Variants in TSPEAR observed in about 807,000 individuals in gnomAD.
The protein encoded by TSPEAR is thrombospondin type laminin G domain and EAR repeats.
In TSPEAR, 69 loss-of-function variants were observed where a neutral mutation model predicts 71.6. The ratio of observed to expected loss-of-function variants is 0.96; its 90% CI spans 0.79 to 1.18. The LOEUF (loss-of-function observed/expected upper bound fraction) is 1.18. TSPEAR is among the 50% of genes most tolerant of loss of function. The probability of loss-of-function intolerance (pLI) is 0.00; values close to 1 mark genes in which losing one functional copy is unlikely to be tolerated. For synonymous variants in TSPEAR, 402 were observed against 387.2 expected (o/e 1.04, Z -0.45); for missense variants, 971 against 894.9 (o/e 1.09, Z -1.09).
At chr21:44,587,290 T>C (rs1979404403) in intron 1 of TSPEAR, among the ~76,000 whole-genome samples, 1 of 152,014 alleles carries the variant, frequency 6.6e-6, no homozygotes, top group Non-Finnish European at 1.5e-5. Flanking sequence ...CCTTTTACAA[T>C]AGCTGCAAAA....
chr21:44,689,712 AATATATATAT>A lies in TSPEAR; in HGVS notation c.82+21711_82+21720del, dbSNP rs71199618. ...TCCCTTAGAGGGACAGAATAGAATGAATATATATATATATATATATATATATATTTTGGGG... is the reference window on the plus strand; with the variant it reads ...TCCCTTAGAGGGACAGAATAGAATGAATATATATATATATATATTTTGGGG... On this transcript the variant is annotated intron_variant, in intron 1 of 11. Coordinates refer to ENST00000323084, the MANE Select transcript of TSPEAR (RefSeq NM_144991.3). Among the ~76,000 whole-genome samples the A allele has an allele frequency of 3.2e-5, 2 of 62,038 alleles. 1 individual carries two copies. Among genetic ancestry groups the A allele is most frequent in the African/African-American group, 1.6e-4 (2 of 12,420 alleles). 40.7% of individuals were successfully genotyped at this position (62,038 alleles called of 152,430 possible). A position where few individuals can be genotyped will look rare whatever the true frequency, so the allele number is the denominator to read the frequency against.
intron 1 of TSPEAR, among the ~76,000 whole-genome samples, chr21:44,704,391 CCTT>C (rs1987807843): frequency 6.6e-6 from 1 of 152,216 alleles, no homozygotes; most frequent in African/African-American, 2.4e-5. Flanking sequence ...TTATCAGCCT[CCTT>C]CTAGCCAAGT....
intron 1 of TSPEAR, among the ~76,000 whole-genome samples, chr21:44,608,530 T>C (rs947865073): frequency 1.3e-5 from 2 of 152,226 alleles, no homozygotes; most frequent in African/African-American, 2.4e-5. Flanking sequence ...ATATTCAGAA[T>C]ACATAATAAA....
chr21:44,670,519 G>A lies in TSPEAR; in HGVS notation c.82+40914C>T, dbSNP rs75785573. Among the ~76,000 whole-genome samples, 585 of 152,270 alleles carry A rather than the reference G, an allele frequency of 3.8e-3. 1 individual carries two copies. The highest frequency in any genetic ancestry group is 0.013 in the African/African-American group (557 of 41,544). On this transcript the variant is annotated intron_variant, in intron 1 of 11. Coordinates refer to ENST00000323084, the MANE Select transcript of TSPEAR (RefSeq NM_144991.3). ...GCAGCTGGCCCAGCTAGAATCAGTC[G>A]GGAGCCCACAGAGACTCCCCAGTCC...
Position 44,697,348 on chromosome 21 carries a change from C to A in TSPEAR, c.82+14085G>T, listed in dbSNP as rs1555950776. Reference sequence around the variant, plus strand: ...GCTGCGCCCCGGCCCCCTGCCTGAGCCTGGTCTGCACCCCAGTGAGCCGTG... The same window carrying A: ...GCTGCGCCCCGGCCCCCTGCCTGAGACTGGTCTGCACCCCAGTGAGCCGTG... On this transcript the variant is annotated intron_variant, in intron 1 of 11. Transcript: ENST00000323084. The A allele has an allele frequency of 5.0e-6, 8 of 1,612,928 alleles. No individual in the cohort carries two copies. In the East Asian group the frequency reaches 1.8e-4, roughly 36 times the overall value.
At chr21:44,591,965 G>C (rs782595081) in intron 1 of TSPEAR, 6 of 1,604,762 alleles carry the variant, frequency 3.7e-6, no homozygotes, top group Non-Finnish European at 8.5e-7. Context: ...CTAGACTGCT[G>C]GCAGCACGAA....
At chr21:44,576,745 C>T (rs1978483837) in intron 1 of TSPEAR, among the ~76,000 whole-genome samples, 1 of 152,110 alleles carries the variant, frequency 6.6e-6, no homozygotes, top group Admixed American at 6.5e-5. Context: ...AAGTCATTTT[C>T]CAGGAGGTGT....
chr21:44,618,277 A>G (rs894313548), intron 1 of TSPEAR, among the ~76,000 whole-genome samples: 2 of 152,210 alleles, frequency 1.3e-5, no homozygotes, highest in Non-Finnish European at 2.9e-5. Context: ...TCCTGCCACC[A>G]TGTGAAGAAG....
chr21:44,555,900 G>A (rs961963681), intron 2 of TSPEAR, among the ~76,000 whole-genome samples: 1 of 152,206 alleles, frequency 6.6e-6, no homozygotes, highest in African/African-American at 2.4e-5. Flanking sequence ...TGTGACACTC[G>A]GACAGGGACT....
chr21:44,575,132 G>C (rs2146089743), intron 1 of TSPEAR: 5 of 1,012,962 alleles, frequency 4.9e-6, no homozygotes, highest in South Asian at 3.3e-5. Context: ...GTCTGCTGTT[G>C]AGCTGGACAA....
At chr21:44,625,054 G>T (rs1229073798) in intron 1 of TSPEAR, among the ~76,000 whole-genome samples, 1 of 152,204 alleles carries the variant, frequency 6.6e-6, no homozygotes, top group Non-Finnish European at 1.5e-5. Context: ...TAAGAAAAAG[G>T]TAGCATAATG....
chr21:44,646,124 CAAAAAAAAAAAAAAAAAA>C (rs55672014), intron 1 of TSPEAR, among the ~76,000 whole-genome samples: 21 of 31,226 alleles, frequency 6.7e-4, no homozygotes, highest in African/African-American at 2.1e-3. Flanking sequence ...GACTCCCTCT[CAAAAAAAAAAAAAAAAAA>C]AAAAAAAAAA....
intron 7 of TSPEAR, 75 bp downstream of exon 7, chr21:44,527,217 G>A (rs1199566630): frequency 6.8e-7 from 1 of 1,464,994 alleles, no homozygotes; most frequent in African/African-American, 1.4e-5. Context: ...CAGAATCAGT[G>A]TAGGGGGCCC....
chr21:44,520,718 T>C lies in TSPEAR; in HGVS notation c.1566+1165A>G, dbSNP rs2052717760. Reference sequence around the variant, plus strand: ...TTCCTCCCTTCTGTTTTGAAGCTCATTCCCATGTGCTACCTGCAGGCTTGC... The same window carrying C: ...TTCCTCCCTTCTGTTTTGAAGCTCACTCCCATGTGCTACCTGCAGGCTTGC... On this transcript the variant is annotated intron_variant, in intron 9 of 11. Coordinates refer to ENST00000323084, the MANE Select transcript of TSPEAR (RefSeq NM_144991.3). This position sits in a 1 kb window ranked among gnomAD's most constrained non-coding sequence, Gnocchi z 4.2. 1 of 152,320 alleles carries C rather than the reference T, an allele frequency of 6.6e-6. No individual in the cohort carries two copies. Among genetic ancestry groups the C allele is most frequent in the African/African-American group, 2.4e-5 (1 of 41,462 alleles). 9.4% of individuals were successfully genotyped at this position (152,320 alleles called of 1,614,324 possible).
chr21:44,538,434 C>G (rs782382453), intron 2 of TSPEAR, among the ~76,000 whole-genome samples: 1,062 of 86,622 alleles, frequency 0.012, 6 homozygotes, highest in Middle Eastern at 0.061. Context: ...CCCCCCCCCC[C>G]CCAAGAGGAG....
At chr21:44,699,219 A>T (rs1987533599) in intron 1 of TSPEAR, among the ~76,000 whole-genome samples, 1 of 151,860 alleles carries the variant, frequency 6.6e-6, no homozygotes, top group African/African-American at 2.4e-5. Context: ...AATTAATTAA[A>T]GTAAAAAATA....
At chr21:44,575,119 G>A in intron 1 of TSPEAR, 1 of 1,098,724 alleles carries the variant, frequency 9.1e-7, no homozygotes, top group Non-Finnish European at 1.3e-6. Flanking sequence ...ACCATTTCCT[G>A]GTGTCTGCTG....
In TSPEAR at chr21:44,672,748, G is replaced by C. The variant is rs144437617; in HGVS notation, c.82+38685C>G. ...CCTCAATGCTGGAGAAGGGGCTGAGGGGGAGGGGATTGGATCATGGGGGCA... is the reference window on the plus strand; with the variant it reads ...CCTCAATGCTGGAGAAGGGGCTGAGCGGGAGGGGATTGGATCATGGGGGCA... On this transcript the variant is annotated intron_variant, in intron 1 of 11. Transcript: ENST00000323084. 5.8e-4 allele frequency among the ~76,000 whole-genome samples: 89 copies of C among 152,238 alleles called. 3 individuals carry two copies. The East Asian group carries it at 0.012, about 21-fold the overall frequency.
In TSPEAR at chr21:44,565,267, T is replaced by A. The variant is rs1032946586; in HGVS notation, c.303+2518A>T. Among the ~76,000 whole-genome samples, 86 of 152,196 alleles carry A rather than the reference T, an allele frequency of 5.7e-4. 1 individual carries two copies. The highest frequency in any genetic ancestry group is 2.0e-3 in the African/African-American group (82 of 41,540). On this transcript the variant is annotated intron_variant, in intron 2 of 11. Transcript: ENST00000323084. The stretch of plus-strand genomic sequence containing the variant: ...AAAGCAAGCACAATGAAGGAAATAA[T>A]GAAGATTAAAGTGGAAATAAATAAA...
Sources: allele counts gnomAD v4.1 joint callset (sites outside exome capture counted in the v4.1 genomes callset), GRCh38; gene constraint gnomAD v4.1.1; non-coding constraint Gnocchi (gnomAD v3.1); transcripts MANE v1.5; gene names NCBI Gene and HGNC (gene_info 2026-07-23, HGNC 2026-07-21).